NUSAP1: variants seen among roughly 807,000 people sequenced by gnomAD.
NUSAP1 encodes nucleolar and spindle-associated protein 1.
Under a neutral mutation model 52.8 loss-of-function variants are expected in NUSAP1, and 32 were observed. The ratio of observed to expected loss-of-function variants is 0.61; its 90% CI spans 0.46 to 0.81. The LOEUF (loss-of-function observed/expected upper bound fraction) is 0.81. Among genes scored for constraint, NUSAP1 ranks in the 40% least tolerant of loss-of-function variants. The pLI is 0.00. For synonymous variants in NUSAP1, 195 were observed against 183.1 expected (o/e 1.06, Z -0.52); for missense variants, 499 against 522.3 (o/e 0.96, Z 0.43).
rs368317188 is a variant in NUSAP1, at chr15:41,350,957, G to A, written c.307-31G>A. 218 of 1,565,702 alleles carry A rather than the reference G, an allele frequency of 1.4e-4. No homozygotes were observed. The African/African-American group carries it at 2.6e-3, about 19-fold the overall frequency. ...AAGGCAGCAATTCTTATTTATCATC[G>A]AAATCTTTTATTTCCTTTTTAAATT... On this transcript the variant is annotated intron_variant, in intron 3 of 10. Transcript: ENST00000559596.
rs942642723 is a variant in NUSAP1, at chr15:41,367,161, G to A, written c.848+1572G>A. ...ATGTCTACCAGAGGCTGCTTACAACGCTGCCTCTCAGGCCCTTACTAGGAG... is the reference window on the plus strand; with the variant it reads ...ATGTCTACCAGAGGCTGCTTACAACACTGCCTCTCAGGCCCTTACTAGGAG... On this transcript the variant is annotated intron_variant, in intron 7 of 10. Coordinates refer to ENST00000559596, the MANE Select transcript of NUSAP1 (RefSeq NM_016359.5). Among the ~76,000 whole-genome samples the A allele has an allele frequency of 3.3e-5, 5 of 152,198 alleles. No homozygotes were observed. In the East Asian group the frequency reaches 5.8e-4, roughly 18 times the overall value.
At chr15:41,352,966 G>A (rs1472992072) in intron 4 of NUSAP1, among the ~76,000 whole-genome samples, 1 of 152,096 alleles carries the variant, frequency 6.6e-6, no homozygotes, top group African/African-American at 2.4e-5. Context: ...AAAGAGCAAT[G>A]CTGTTGCTTC....
chr15:41,377,154 C>T (rs1409634725), intron 9 of NUSAP1, 42 bp from the exon 10 acceptor site: 1 of 1,043,136 alleles, frequency 9.6e-7, no homozygotes, highest in Admixed American at 2.6e-5. Flanking sequence ...GAATATAAAT[C>T]AAACAATCTT....
intron 1 of NUSAP1, among the ~76,000 whole-genome samples, chr15:41,340,053 A>G (rs1014712401): frequency 6.6e-6 from 1 of 152,126 alleles, no homozygotes; most frequent in Admixed American, 6.6e-5. Context: ...GATTACAGGC[A>G]TTAGTCACTG....
intron 4 of NUSAP1, among the ~76,000 whole-genome samples, chr15:41,354,556 G>C (rs1178946489): frequency 1.3e-5 from 2 of 151,680 alleles, no homozygotes; most frequent in Non-Finnish European, 2.9e-5. Context: ...AGGACCAGAG[G>C]AAATATGCCA....
At chr15:41,341,765 TGCAAA>T (rs941773244) in intron 1 of NUSAP1, among the ~76,000 whole-genome samples, 1 of 152,234 alleles carries the variant, frequency 6.6e-6, no homozygotes. Context: ...TTCTGAGTAA[TGCAAA>T]ATTGGTCACC....
chr15:41,345,609 G>T (rs867187830), intron 2 of NUSAP1: 16 of 308,974 alleles, frequency 5.2e-5, no homozygotes, highest in African/African-American at 3.7e-4. Flanking sequence ...ACAGGCATGC[G>T]CCACCACACC....
intron 9 of NUSAP1, 94 bp from the exon 10 acceptor site, chr15:41,377,102 G>T: frequency 1.5e-6 from 1 of 671,060 alleles, no homozygotes. Flanking sequence ...AAGTATAAAT[G>T]TTGATAGCAG....
At chr15:41,337,413 C>T (rs1203627920) in intron 1 of NUSAP1, among the ~76,000 whole-genome samples, 1 of 152,142 alleles carries the variant, frequency 6.6e-6, no homozygotes, top group African/African-American at 2.4e-5. Context: ...GCTGAAGATC[C>T]TGGGCCCTCT....
At chr15:41,373,574 C>A (rs943294439) in intron 8 of NUSAP1, among the ~76,000 whole-genome samples, 4 of 151,204 alleles carry the variant, frequency 2.6e-5, no homozygotes, top group Non-Finnish European at 4.4e-5. Context: ...CTCAGCCTCC[C>A]GAGTAGCTGG....
chr15:41,375,743 A>G lies in NUSAP1; in HGVS notation c.1038A>G (p.Ala346=). 1 of 1,613,868 alleles carries G rather than the reference A, an allele frequency of 6.2e-7. No individual in the cohort carries two copies. Among genetic ancestry groups the G allele is most frequent in the South Asian group, 1.1e-5 (1 of 91,078 alleles). The change falls in exon 9 of 11, where the codon GCA becomes GCG. Residue 346 remains alanine (A), a synonymous_variant. Coordinates refer to ENST00000559596, the MANE Select transcript of NUSAP1 (RefSeq NM_016359.5). ...VITPFKLTTE[A]TQTPVSNKKP... ...CCCCATTCAAGTTGACAACTGAGGC[A>G]ACGCAGACTCCAGTCTCCAATAAGA...
At chr15:41,347,807 C>G (rs73404980) in intron 2 of NUSAP1, among the ~76,000 whole-genome samples, 12,834 of 147,050 alleles carry the variant, frequency 0.087, 711 homozygotes, top group African/African-American at 0.17. Context: ...GAGTGAGACT[C>G]CGTCTCAAAA....
At chr15:41,380,065 A>G (rs1049474431) in intron 10 of NUSAP1, 28 bp from the exon 11 acceptor site, 1 of 1,524,262 alleles carries the variant, frequency 6.6e-7, no homozygotes, top group Non-Finnish European at 8.9e-7. Flanking sequence ...GCCTCCCTAG[A>G]GCTTAATGTG....
intron 4 of NUSAP1, among the ~76,000 whole-genome samples, chr15:41,352,878 G>A (rs1260418935): frequency 2.0e-5 from 3 of 152,012 alleles, no homozygotes; most frequent in Admixed American, 1.3e-4. Context: ...ATACAGGCCA[G>A]TTTTTTGTCC....
At chr15:41,371,498 C>T (rs775352444) in intron 7 of NUSAP1, 29 bp from the exon 8 acceptor site, 1 of 1,550,764 alleles carries the variant, frequency 6.4e-7, no homozygotes, top group East Asian at 2.3e-5. Context: ...CCACAGTACT[C>T]ATGTCTTGTA....
chr15:41,349,206 A>C lies in NUSAP1; in HGVS notation c.271A>C (p.Arg91=). The C allele has an allele frequency of 3.1e-6, 5 of 1,613,986 alleles. No homozygotes were observed. The highest frequency in any genetic ancestry group is 4.2e-6 in the Non-Finnish European group (5 of 1,179,852). The change falls in exon 3 of 11, where the codon AGG becomes CGG. Residue 91 remains arginine, a synonymous_variant. Transcript: ENST00000559596. ...PLGHVTKTRR[R]CKTVRVDPDS... is the part of the protein sequence containing the mutation. Reference sequence around the variant, plus strand: ...TGGCCATGTCACCAAAACAAGGAGAAGGTGCAAGACTGTCCGTGTGGACCC... The same window carrying C: ...TGGCCATGTCACCAAAACAAGGAGACGGTGCAAGACTGTCCGTGTGGACCC...
chr15:41,356,292 C>A (rs533114310), intron 5 of NUSAP1, among the ~76,000 whole-genome samples, 152 bp downstream of exon 5: 186 of 151,904 alleles, frequency 1.2e-3, no homozygotes, highest in Non-Finnish European at 2.0e-3. Flanking sequence ...CTTACTCATC[C>A]TCAATAAACT....
chr15:41,334,785 C>G (rs909158048), intron 1 of NUSAP1, among the ~76,000 whole-genome samples: 1 of 152,026 alleles, frequency 6.6e-6, no homozygotes, highest in Non-Finnish European at 1.5e-5. Context: ...TGGGCTCAAG[C>G]GATCCTCCCG....
chr15:41,340,017 C>T (rs1215061658), intron 1 of NUSAP1, among the ~76,000 whole-genome samples: 1 of 151,978 alleles, frequency 6.6e-6, no homozygotes, highest in African/African-American at 2.4e-5. Context: ...GGGTGATCTT[C>T]CTGCCTCGGC....
Sources: gnomAD v4.1 joint callset for allele counts (sites outside exome capture counted in the v4.1 genomes callset) on GRCh38, gnomAD v4.1.1 for gene constraint, MANE v1.5 for transcripts, NCBI Gene and HGNC (gene_info 2026-07-23, HGNC 2026-07-21) for gene names.